The following HNF4G variants were observed in gnomAD, a reference collection of about 807,000 sequenced individuals.
HNF4G encodes hepatocyte nuclear factor 4-gamma.
Under a neutral mutation model 50.9 loss-of-function variants are expected in HNF4G, and 21 were observed. The ratio of observed to expected loss-of-function variants is 0.41; its 90% CI spans 0.29 to 0.59. The LOEUF is 0.59. Ranked by LOEUF, HNF4G falls within the 20% of genes least tolerant of loss-of-function variation. HNF4G has a pLI of 0.26. For synonymous variants in HNF4G, 198 were observed against 185.6 expected (o/e 1.07, Z -0.54); for missense variants, 527 against 559.4 (o/e 0.94, Z 0.58).
intron 2 of HNF4G, among the ~76,000 whole-genome samples, chr8:75,514,898 G>C (rs541082869): frequency 4.4e-4 from 66 of 151,420 alleles, no homozygotes; most frequent in African/African-American, 1.6e-3. Flanking sequence ...TTTCTTTTCT[G>C]TTATAAACAT....
intron 1 of HNF4G, among the ~76,000 whole-genome samples, chr8:75,432,693 C>A (rs777530201): frequency 1.3e-5 from 2 of 152,136 alleles, no homozygotes; most frequent in African/African-American, 4.8e-5. Context: ...ACCCAGCGAT[C>A]CTTGTCCTCC....
intron 3 of HNF4G, 129 bp from the exon 4 acceptor site, chr8:75,551,259 C>T: frequency 1.8e-6 from 1 of 570,144 alleles, no homozygotes; most frequent in Non-Finnish European, 3.1e-6. Flanking sequence ...ATGAAAATAT[C>T]TTTCTTCCAA....
chr8:75,462,148 T>A (rs1811869734), intron 1 of HNF4G, among the ~76,000 whole-genome samples: 1 of 152,074 alleles, frequency 6.6e-6, no homozygotes, highest in Admixed American at 6.6e-5. Context: ...AACTCCCAAC[T>A]TCAGGTAATC....
chr8:75,493,290 A>G (rs958649828), intron 2 of HNF4G, among the ~76,000 whole-genome samples: 19 of 152,128 alleles, frequency 1.2e-4, no homozygotes, highest in Admixed American at 1.2e-3. Flanking sequence ...ATTGAGTTTC[A>G]TGTCCTGGGA....
chr8:75,556,339 T>A (rs79042316), intron 6 of HNF4G, among the ~76,000 whole-genome samples: 7,274 of 152,252 alleles, frequency 0.048, 214 homozygotes, highest in Middle Eastern at 0.068. Flanking sequence ...TTGAGGTATG[T>A]TCAAATTATA....
chr8:75,515,948 A>G lies in HNF4G; in HGVS notation c.-24+25740A>G, dbSNP rs187118554. Among the ~76,000 whole-genome samples, 364 of 152,256 alleles carry G rather than the reference A, an allele frequency of 2.4e-3. 1 individual carries two copies. The highest frequency in any genetic ancestry group is 5.0e-3 in the Admixed American group (77 of 15,302). On this transcript the variant is annotated intron_variant, in intron 2 of 10. Coordinates refer to the HNF4G transcript ENST00000354370. ...GCCCAGCTAATTTTGTATTTTTAGT[A>G]GAGACAGGGTTTCTCATCTTGGTCA...
chr8:75,511,006 A>G (rs1001421846), intron 2 of HNF4G, among the ~76,000 whole-genome samples: 1 of 152,024 alleles, frequency 6.6e-6, no homozygotes, highest in Non-Finnish European at 1.5e-5. Flanking sequence ...TTTTAATTTA[A>G]TGTAAGGAGA....
chr8:75,519,334 C>T lies in HNF4G; in HGVS notation c.-23-24477C>T, dbSNP rs147209470. 2.8e-3 allele frequency among the ~76,000 whole-genome samples: 432 copies of T among 152,338 alleles called. 9 individuals carry two copies. In the East Asian group the frequency reaches 0.064, roughly 23 times the overall value. On this transcript the variant is annotated intron_variant, in intron 2 of 10. Coordinates refer to the HNF4G transcript ENST00000354370. ...AAACTTTCTCACATCTTCCTGTCTT[C>T]TTCTGAGCCCTCCAAACTGTTCCAG...
chr8:75,441,975 AAAAT>A (rs1382034304), intron 1 of HNF4G, among the ~76,000 whole-genome samples: 8 of 152,234 alleles, frequency 5.3e-5, no homozygotes, highest in Admixed American at 4.6e-4. Context: ...TAAAGTAGAG[AAAAT>A]AAATAAAGCA....
intron 1 of HNF4G, among the ~76,000 whole-genome samples, chr8:75,461,926 A>ATT (rs869109879): frequency 9.2e-5 from 1 of 10,860 alleles, no homozygotes; most frequent in East Asian, 8.0e-4. Context: ...ATATATATAT[A>ATT]TATTTTTTTA....
intron 1 of HNF4G, among the ~76,000 whole-genome samples, chr8:75,461,674 C>T (rs1305819366): frequency 6.6e-6 from 1 of 151,920 alleles, no homozygotes; most frequent in Non-Finnish European, 1.5e-5. Context: ...GGGGATATGT[C>T]CCAAGACCCC....
chr8:75,452,573 GC>G (rs1174622898), intron 1 of HNF4G, among the ~76,000 whole-genome samples: 1 of 152,066 alleles, frequency 6.6e-6, no homozygotes, highest in Non-Finnish European at 1.5e-5. Context: ...CAAAAAATTA[GC>G]CGGGCATGGT....
chr8:75,499,421 A>C (rs1246553404), intron 2 of HNF4G, among the ~76,000 whole-genome samples: 2 of 152,050 alleles, frequency 1.3e-5, no homozygotes, highest in African/African-American at 4.8e-5. Flanking sequence ...CATGGATTGA[A>C]AGATTTAATA....
At chr8:75,437,444 G>A (rs903866420) in intron 1 of HNF4G, among the ~76,000 whole-genome samples, 1 of 152,190 alleles carries the variant, frequency 6.6e-6, no homozygotes, top group Non-Finnish European at 1.5e-5. Flanking sequence ...CAATGGTAAA[G>A]TTTAGCTATA....
chr8:75,422,724 C>G (rs1283691387), intron 1 of HNF4G, among the ~76,000 whole-genome samples: 1 of 151,852 alleles, frequency 6.6e-6, no homozygotes, highest in Non-Finnish European at 1.5e-5. Context: ...AGCTCCGCCT[C>G]CCAGGTTCAC....
intron 2 of HNF4G, among the ~76,000 whole-genome samples, chr8:75,508,744 C>T (rs1303187842): frequency 6.6e-6 from 1 of 152,090 alleles, no homozygotes; most frequent in Admixed American, 6.6e-5. Flanking sequence ...CAAGAGAAAA[C>T]ATGAGCTGAG....
chr8:75,452,491 G>C (rs73343037), intron 1 of HNF4G, among the ~76,000 whole-genome samples: 2 of 152,070 alleles, frequency 1.3e-5, no homozygotes, highest in Admixed American at 6.5e-5. Context: ...AGCCCGAAGC[G>C]GGGGGATCAT....
Position 75,558,985 on chromosome 8 carries a change from A to G in HNF4G, c.1071A>G (p.Lys357=), listed in dbSNP as rs1807219283. 1.2e-6 allele frequency: 2 copies of G among 1,613,872 alleles called. No homozygotes were observed. Among genetic ancestry groups the G allele is most frequent in the Middle Eastern group, 3.3e-4 (2 of 6,062 alleles). The change falls in exon 8 of 10, where the codon AAA becomes AAG. Residue 357 remains lysine (K), a synonymous_variant. Coordinates refer to ENST00000396423, the MANE Select transcript of HNF4G (RefSeq NM_004133.5). ...TGATTGAGCAAATACAGTTTGTTAAACTTTTTGGGATGGTTAAAATTGACA... is the reference window on the plus strand; with the variant it reads ...TGATTGAGCAAATACAGTTTGTTAAGCTTTTTGGGATGGTTAAAATTGACA... ...WQMIEQIQFV[K]LFGMVKIDNL...
chr8:75,555,628 G>A (rs573452814), intron 5 of HNF4G, among the ~76,000 whole-genome samples: 4 of 151,796 alleles, frequency 2.6e-5, no homozygotes, highest in East Asian at 1.9e-4. Flanking sequence ...AAGTTCAAAC[G>A]TACTGGTTAA....
Sources: gnomAD v4.1 joint callset for allele counts (sites outside exome capture counted in the v4.1 genomes callset) on GRCh38, gnomAD v4.1.1 for gene constraint, MANE v1.5 for transcripts, NCBI Gene and HGNC (gene_info 2026-07-23, HGNC 2026-07-21) for gene names.